ATG16L2: variants seen among roughly 807,000 people sequenced by gnomAD.
ATG16L2 encodes autophagy related 16 like 2, also known as protein Atg16l2.
In ATG16L2, 77 loss-of-function variants were observed where a neutral mutation model predicts 84.7. The ratio of observed to expected loss-of-function variants is 0.91; its 90% CI spans 0.76 to 1.10. The LOEUF (loss-of-function observed/expected upper bound fraction) is 1.10. Ranked by LOEUF, ATG16L2 falls within the 50% of genes least tolerant of loss-of-function variation. ATG16L2 has a pLI of 0.00. For missense variants in ATG16L2, 782 were observed against 817.6 expected (o/e 0.96, Z 0.53); for synonymous variants, 361 against 342.8 (o/e 1.05, Z -0.59).
At chr11:72,834,223 A>G (rs1860668824), downstream of ATG16L2, among the ~76,000 whole-genome samples, 1 of 152,216 alleles carries the variant, frequency 6.6e-6, no homozygotes, top group Non-Finnish European at 1.5e-5. Flanking sequence ...TTCACGATGA[A>G]CAAAATAAAT....
In ATG16L2 at chr11:72,840,651, A is replaced by T. The variant is rs568480826; in HGVS notation, c.*22-1966A>T. ...TCACTTTCATAGCCATCATCTTGCA[A>T]TCTCACTGTGGCTCAGTGAAAAAAG... On this transcript the variant is annotated intron_variant, in intron 5 of 5. Coordinates refer to the ATG16L2 transcript ENST00000534905. 6.6e-5 allele frequency among the ~76,000 whole-genome samples: 10 copies of T among 152,318 alleles called. No homozygotes were observed. The East Asian group carries it at 1.9e-3, about 29-fold the overall frequency.
At chr11:72,821,215 A>T in intron 3 of ATG16L2, 6 of 990,940 alleles carry the variant, frequency 6.1e-6, no homozygotes, top group Non-Finnish European at 7.2e-6. Flanking sequence ...TGGCAGTACC[A>T]GCCTCCTGGT....
chr11:72,817,712 G>T (rs1409797028), intron 2 of ATG16L2, 44 bp from the exon 3 acceptor site: 2 of 1,599,932 alleles, frequency 1.3e-6, no homozygotes, highest in Non-Finnish European at 1.7e-6. Flanking sequence ...TTGGGCACTT[G>T]GGTGAACCGG....
At chr11:72,838,757 T>C (rs1305383022) in intron 5 of ATG16L2, 2 of 1,551,170 alleles carry the variant, frequency 1.3e-6, no homozygotes, top group Non-Finnish European at 1.8e-6. Flanking sequence ...AGCCTGGCCT[T>C]GATTGTAGCA....
At chr11:72,823,219 C>A in intron 7 of ATG16L2, 1 of 425,374 alleles carries the variant, frequency 2.4e-6, no homozygotes, top group Non-Finnish European at 4.3e-6. Context: ...GGTGGGGAGT[C>A]AGGCTTCTGA....
At chr11:72,814,613 C>T in intron 1 of ATG16L2, 50 bp downstream of exon 1, 3 of 1,461,174 alleles carry the variant, frequency 2.1e-6, no homozygotes, top group Non-Finnish European at 9.3e-7. Context: ...GACGCGGCTA[C>T]GGGCGCGGGG....
chr11:72,840,791 C>T, intron 5 of ATG16L2: 1 of 994,050 alleles, frequency 1.0e-6, no homozygotes, highest in Non-Finnish European at 1.6e-6. Context: ...TCAGTAACAA[C>T]ACAGGGGCCA....
chr11:72,824,358 G>T, intron 8 of ATG16L2: 1 of 590,894 alleles, frequency 1.7e-6, no homozygotes, highest in Admixed American at 3.0e-5. Flanking sequence ...TCGTCACAGG[G>T]GACCAAGAGC....
chr11:72,821,794 G>A, intron 4 of ATG16L2, 53 bp downstream of exon 4: 4 of 1,516,772 alleles, frequency 2.6e-6, no homozygotes, highest in East Asian at 2.5e-5. Context: ...GGAGGCCCGG[G>A]GCCAACTATA....
At chr11:72,834,017 C>T (rs536920197), downstream of ATG16L2, among the ~76,000 whole-genome samples, 1 of 151,560 alleles carries the variant, frequency 6.6e-6, no homozygotes, top group African/African-American at 2.4e-5. Flanking sequence ...CCTCTGGGAC[C>T]GAGGGAAAAT....
Position 72,822,883 on chromosome 11 carries a change from GAA to G in ATG16L2, c.747_748del (p.Arg250GlyfsTer8). On this transcript the variant is annotated frameshift_variant, in exon 7 of 18. Transcript: ENST00000321297. LOFTEE classifies it high-confidence loss of function. This position sits in a 1 kb window ranked among gnomAD's most constrained non-coding sequence, Gnocchi z 4.2. Reference sequence around the variant, plus strand: ...ACCCTAGGCGATGGGATGAGGGAGAGAAGGGAGACTCTGGCTCTGGCCCCTGA... The same window carrying G: ...ACCCTAGGCGATGGGATGAGGGAGAGGGGAGACTCTGGCTCTGGCCCCTGA... The G allele has an allele frequency of 6.3e-7, 1 of 1,575,782 alleles. No individual in the cohort carries two copies. Among genetic ancestry groups the G allele is most frequent in the Non-Finnish European group, 8.6e-7 (1 of 1,160,020 alleles).
rs766599053 is a variant in ATG16L2 at position 72,824,826 on chromosome 11, G to A, written c.980G>A (p.Arg327Gln). The change falls in exon 9 of 18, where the codon CGG becomes CAG. Residue 327 changes from arginine (R) to glutamine (Q), a missense_variant. Physicochemically the swap from Arg to Gln is conservative, Grantham distance 43. Transcript: ENST00000321297. ...TGTGTGGCTGCCCGACTTCCTACCC[G>A]GGCTCAGGATGTGCTGGTAAGGGAG... ...PVCVAARLPT[R>Q]AQDVLDAHLS... is the part of the protein sequence containing the mutation. 12 of 1,595,060 alleles carry A rather than the reference G, an allele frequency of 7.5e-6. No individual in the cohort carries two copies. Among genetic ancestry groups the A allele is most frequent in the African/African-American group, 5.4e-5 (4 of 74,534 alleles).
At chr11:72,830,731 C>G (rs886768496), downstream of ATG16L2, among the ~76,000 whole-genome samples, 1 of 152,230 alleles carries the variant, frequency 6.6e-6, no homozygotes, top group Non-Finnish European at 1.5e-5. Flanking sequence ...AGCATGAAAT[C>G]TGGAGCCCTT....
chr11:72,836,728 T>C (rs1860740012), intron 5 of ATG16L2: 1 of 152,622 alleles, frequency 6.6e-6, no homozygotes, highest in Admixed American at 6.5e-5. Flanking sequence ...CCTTTCTATA[T>C]TAAAACTTAG....
intron 14 of ATG16L2, among the ~76,000 whole-genome samples, 198 bp from the exon 15 acceptor site, chr11:72,828,159 GTC>G (rs1276389082): frequency 1.1e-5 from 1 of 92,994 alleles, no homozygotes; most frequent in East Asian, 4.0e-4. Flanking sequence ...ATCAAAGTCT[GTC>G]TAAGTTCCTC....
downstream of ATG16L2, among the ~76,000 whole-genome samples, chr11:72,832,748 G>A (rs180970395): frequency 1.6e-3 from 244 of 152,262 alleles, no homozygotes; most frequent in African/African-American, 5.6e-3. Flanking sequence ...AGCAGAGCTG[G>A]GATAAGAACC....
At chr11:72,820,938 C>T (rs917931460) in intron 3 of ATG16L2, among the ~76,000 whole-genome samples, 3 of 152,044 alleles carry the variant, frequency 2.0e-5, no homozygotes, top group African/African-American at 7.2e-5. Context: ...TGAGTCTGGG[C>T]CCTGGCTCCC....
chr11:72,823,748 C>T (rs1018726774), intron 7 of ATG16L2: 7 of 504,044 alleles, frequency 1.4e-5, no homozygotes, highest in African/African-American at 3.9e-5. Flanking sequence ...GAACCTTCAG[C>T]GTCTCTCCTC....
rs1292113249 is a variant in ATG16L2 at position 72,821,863 on chromosome 11, C to T, written c.392+122C>T. The stretch of plus-strand genomic sequence containing the variant: ...TTTCCCTACGTCCCCCCGACCCCAT[C>T]GGTTGGTGCCAGAGGACCGAACGGC... On this transcript the variant is annotated intron_variant, in intron 4 of 17. Transcript: ENST00000321297. The T allele has an allele frequency of 2.8e-6, 4 of 1,434,152 alleles. No homozygotes were observed. In the East Asian group the frequency reaches 1.0e-4, roughly 36 times the overall value. 88.8% of individuals were successfully genotyped at this position (1,434,152 alleles called of 1,614,324 possible).
Sources: allele counts gnomAD v4.1 joint callset (sites outside exome capture counted in the v4.1 genomes callset), GRCh38; gene constraint gnomAD v4.1.1; non-coding constraint Gnocchi (gnomAD v3.1); transcripts MANE v1.5; gene names NCBI Gene and HGNC (gene_info 2026-07-23, HGNC 2026-07-21).